SBF1: variants seen among roughly 807,000 people sequenced by gnomAD.
SBF1 encodes myotubularin-related protein 5.
In SBF1, 65 loss-of-function variants were observed where a neutral mutation model predicts 215.8. That is an observed-to-expected ratio of 0.30 (90% CI 0.25 to 0.37). The LOEUF is 0.37. Among genes scored for constraint, SBF1 ranks in the 10% least tolerant of loss-of-function variants. SBF1 has a pLI of 1.00. For synonymous variants in SBF1, 1,410 were observed against 1,122.8 expected, an observed-to-expected ratio of 1.26 and a Z score of -5.11; for missense variants, 2,634 against 2,667.8, an observed-to-expected ratio of 0.99 and a Z score of 0.28.
In SBF1 at chr22:50,474,772, G is replaced by C. The variant is rs775254632; in HGVS notation, c.55+14C>G. On this transcript the variant is annotated intron_variant, in intron 1 of 40. Transcript: ENST00000380817. ...CTCGGCCCCCGGCCCTCAGCGCTTG[G>C]CCTCGGCACTCACCGCGCGGGTGCG... 1.4e-6 allele frequency: 2 copies of C among 1,463,138 alleles called. No individual in the cohort carries two copies. Among genetic ancestry groups the C allele is most frequent in the Non-Finnish European group, 1.8e-6 (2 of 1,111,648 alleles). The allele number at this position is 1,463,138 out of a possible 1,614,324, so 90.6% of individuals were successfully genotyped here. A position where few individuals can be genotyped will look rare whatever the true frequency, so the allele number is the denominator to read the frequency against.
rs764989419 is a variant in SBF1, at chr22:50,462,093, T to C, written c.2423A>G (p.Tyr808Cys). 10 of 1,613,762 alleles carry C rather than the reference T, an allele frequency of 6.2e-6. No individual in the cohort carries two copies. The highest frequency in any genetic ancestry group is 1.6e-4 in the Middle Eastern group (1 of 6,084). ...NSMAGSVAES[Y>C]DTESGFEDAE... ...ATCCTCGAAGCCGCTCTCCGTGTCA[T>C]AGCTCTCGGCCACACTGCCAGCCAT... Residue 808 changes from tyrosine to cysteine, a missense_variant, in exon 20 of 41, where the codon TAT (tyrosine) becomes TGT (cysteine). Tyr to Cys is a radical substitution (Grantham distance 194). Transcript: ENST00000380817.
chr22:50,468,457 A>C lies in SBF1; in HGVS notation c.60T>G (p.Ser20Arg). ...GCAGAATCTGGCCCTGGCCTTCCCCACTCCCTGAGGACAAGAACAGGGGGT... is the reference window on the plus strand; with the variant it reads ...GCAGAATCTGGCCCTGGCCTTCCCCCCTCCCTGAGGACAAGAACAGGGGGT... The part of the protein sequence containing the change: ...LVAFGPHPRG[S>R]GEGQGQILQR... The change falls in exon 2 of 41, where the codon AGT (serine) becomes AGG (arginine). Residue 20 changes from serine (S) to arginine (R), a missense_variant. Coordinates refer to ENST00000380817, the MANE Select transcript of SBF1 (RefSeq NM_002972.4). 2 of 1,598,956 alleles carry C rather than the reference A, an allele frequency of 1.3e-6. No homozygotes were observed. Among genetic ancestry groups the C allele is most frequent in the Non-Finnish European group, 8.5e-7 (1 of 1,172,168 alleles).
At chr22:50,449,625 A>AC (rs1556417419) in intron 36 of SBF1, among the ~76,000 whole-genome samples, 16,617 of 146,820 alleles carry the variant, frequency 0.11, 1,137 homozygotes, top group Middle Eastern at 0.17. Flanking sequence ...AAAACACACA[A>AC]ACACACACAC....
chr22:50,459,374 G>A lies in SBF1; in HGVS notation c.3707C>T (p.Ser1236Leu), dbSNP rs770253063. ...GTACTTCTCCTGCTCCAGGCTACTC[G>A]AGTCCGCCTGGGACTGGCCTGGGGG... ...APSPGQSQAD[S>L]SSLEQEKYLQ... The change falls in exon 28 of 41, where the codon TCG becomes TTG. Residue 1236 changes from serine to leucine, a missense_variant. By Grantham distance (145) the Ser-to-Leu change is moderately radical. Coordinates refer to ENST00000380817, the MANE Select transcript of SBF1 (RefSeq NM_002972.4). The A allele has an allele frequency of 8.7e-6, 14 of 1,612,354 alleles. No homozygotes were observed. The highest frequency in any genetic ancestry group is 2.2e-5 in the South Asian group (2 of 91,058).
chr22:50,455,820 A>G, intron 31 of SBF1: 1 of 558,618 alleles, frequency 1.8e-6, no homozygotes, highest in South Asian at 2.0e-5. Context: ...GGACTGAGGG[A>G]CGTCCCTGTC....
At chr22:50,458,605 C>T (rs964786112) in intron 28 of SBF1, among the ~76,000 whole-genome samples, 5 of 152,228 alleles carry the variant, frequency 3.3e-5, no homozygotes, top group Non-Finnish European at 7.3e-5. Flanking sequence ...AAAACCACTT[C>T]TGAACTAGAG....
rs745659960 is a variant in SBF1 at position 50,447,104 on chromosome 22, A to G, written c.*38T>C. ...CCCTGCCCACCCCTAGTGGTCGGTA[A>G]CGACCGGAAGCAGAGCAGCCGGGCA... On this transcript the variant is annotated 3_prime_UTR_variant, in exon 41 of 41. Transcript: ENST00000380817. 7.7e-6 allele frequency: 12 copies of G among 1,567,786 alleles called. No homozygotes were observed. The highest frequency in any genetic ancestry group is 5.3e-5 in the Admixed American group (3 of 56,868).
At chr22:50,453,336 G>A (rs1019534445) in intron 36 of SBF1, among the ~76,000 whole-genome samples, 5 of 152,158 alleles carry the variant, frequency 3.3e-5, no homozygotes, top group African/African-American at 1.2e-4. Context: ...TGCTTTGTGG[G>A]TCACCTCCAT....
At chr22:50,469,794 C>T (rs548486825) in intron 1 of SBF1, among the ~76,000 whole-genome samples, 164 of 152,194 alleles carry the variant, frequency 1.1e-3, no homozygotes, top group African/African-American at 3.7e-3. Context: ...ATGCCTGGTC[C>T]TCCTGGGAAC....
rs75567487 is a variant in SBF1, at chr22:50,456,564, G to T, written c.4014C>A (p.Gly1338=). Residue 1338 remains glycine (G), a synonymous_variant, in exon 30 of 41, where the codon GGC becomes GGA. Transcript: ENST00000380817. ...DALAPPQANG[G]PPDPGFLRPQ... is the part of the protein sequence containing the mutation. ...GACGCAGGAAGCCCGGGTCGGGAGG[G>T]CCCCCGTTGGCCTGGGGTGGGGCCA... The T allele has an allele frequency of 6.3e-4, 985 of 1,573,702 alleles. 9 individuals carry two copies. In the East Asian group the frequency reaches 0.017, roughly 27 times the overall value.
rs780313800 is a variant in SBF1, at chr22:50,459,299, C to T, written c.3782G>A (p.Arg1261His). 8 of 1,611,556 alleles carry T rather than the reference C, an allele frequency of 5.0e-6. No homozygotes were observed. In the East Asian group the frequency reaches 1.1e-4, roughly 22 times the overall value. The change falls in exon 28 of 41, where the codon CGC becomes CAC. Residue 1261 changes from arginine (R) to histidine (H), a missense_variant. Coordinates refer to ENST00000380817, the MANE Select transcript of SBF1 (RefSeq NM_002972.4). ...SMPRYADASG[R>H]NTLSGFSSAH... is the part of the protein sequence containing the mutation. ...TGAGGAGAAGCCGCTAAGCGTGTTG[C>T]GTCCCGACGCGTCGGCGTAGCGGGG...
At chr22:50,467,719 A>AGGGGGGAGAGGGGGGAG (rs1603434369) in intron 3 of SBF1, 29 bp from the exon 4 acceptor site, 1 of 593,424 alleles carries the variant, frequency 1.7e-6, no homozygotes, top group Admixed American at 2.9e-5. Context: ...AGACGGGGGC[A>AGGGGGGAGAGGGGGGAG]GGGGGAGTTG....
rs764384762 is a variant in SBF1, at chr22:50,462,660, ACAC to A, written c.2023_2025del (p.Val675del). 6.2e-7 allele frequency: 1 copy of A among 1,612,618 alleles called. No homozygotes were observed. The highest frequency in any genetic ancestry group is 8.5e-7 in the Non-Finnish European group (1 of 1,179,692). On this transcript the variant is annotated inframe_deletion, in exon 18 of 41. Transcript: ENST00000380817. ...GCCTCCCAGAACTGTGGCGTGCTCC[ACAC>A]CACGTGCTCCTGCACACAGCTGTAT...
rs1324424583 is a variant in SBF1 at position 50,461,881 on chromosome 22, C to T, written c.2570-12G>A. On this transcript the variant is annotated splice_polypyrimidine_tract_variant and intron_variant, in intron 20 of 40. Transcript: ENST00000380817. ...CATCTGGACAATGTCTGGGGGAAGA[C>T]AGTTCTCACACTTTGTGCCCAGCCC... 2 of 1,614,076 alleles carry T rather than the reference C, an allele frequency of 1.2e-6. No homozygotes were observed. Among genetic ancestry groups the T allele is most frequent in the East Asian group, 2.2e-5 (1 of 44,886 alleles).
In SBF1 at chr22:50,466,397, G is replaced by C. The variant is rs773610327; in HGVS notation, c.741C>G (p.Ala247=). ...GTGCCAGGAGGCCCCTACAGGCATC[G>C]GCGAGCCGCTGGTAGCTCCGGGACA... The part of the protein sequence containing the change: ...LFLSRSYQRL[A]DACRGLLALL... Residue 247 remains alanine, a synonymous_variant, in exon 7 of 41, where the codon GCC becomes GCG. Coordinates refer to ENST00000380817, the MANE Select transcript of SBF1 (RefSeq NM_002972.4). 1 of 1,553,496 alleles carries C rather than the reference G, an allele frequency of 6.4e-7. No individual in the cohort carries two copies. The highest frequency in any genetic ancestry group is 8.7e-7 in the Non-Finnish European group (1 of 1,148,564).
Position 50,465,418 on chromosome 22 carries a change from C to G in SBF1, c.1090-90G>C, listed in dbSNP as rs74869804. On this transcript the variant is annotated intron_variant, in intron 10 of 40. Coordinates refer to ENST00000380817, the MANE Select transcript of SBF1 (RefSeq NM_002972.4). ...AGCTTCTCCACACCCCAACCCACCC[C>G]AAGCTGCCCCGCTCCCATCCTTCTG... 10,126 of 1,094,224 alleles carry G rather than the reference C, an allele frequency of 9.3e-3. 65 individuals are homozygous for G. The highest frequency in any genetic ancestry group is 0.012 in the Non-Finnish European group (8,909 of 758,098). 67.8% of individuals were successfully genotyped at this position (1,094,224 alleles called of 1,614,324 possible).
chr22:50,448,044 T>TC lies in SBF1; in HGVS notation c.5363+188dup, dbSNP rs201976195. On this transcript the variant is annotated intron_variant, in intron 38 of 40. Coordinates refer to ENST00000380817, the MANE Select transcript of SBF1 (RefSeq NM_002972.4). Reference sequence around the variant, plus strand: ...GGCCCCACCACTGCCCTCTCTCTACTCCTCCCTCAGCCACTGCAGGCTGTG... The same window carrying TC: ...GGCCCCACCACTGCCCTCTCTCTACTCCCTCCCTCAGCCACTGCAGGCTGTG... Among the ~76,000 whole-genome samples, 679 of 152,206 alleles carry TC rather than the reference T, an allele frequency of 4.5e-3. 5 individuals are homozygous for TC. Among genetic ancestry groups the TC allele is most frequent in the South Asian group, 0.033 (158 of 4,822 alleles).
At position 50,464,448 on chromosome 22, in the gene SBF1, G is replaced by A. The variant is rs745698873; in HGVS notation, c.1637-7C>T. Reference sequence around the variant, plus strand: ...CACCGCTCCAGTATGGCAGCTGCGGGGACAGAATACACACACTCGGACCCC... The same window carrying A: ...CACCGCTCCAGTATGGCAGCTGCGGAGACAGAATACACACACTCGGACCCC... On this transcript the variant is annotated splice_region_variant and splice_polypyrimidine_tract_variant and intron_variant, in intron 14 of 40. Coordinates refer to ENST00000380817, the MANE Select transcript of SBF1 (RefSeq NM_002972.4). The A allele has an allele frequency of 2.5e-6, 4 of 1,612,378 alleles. No homozygotes were observed. Among genetic ancestry groups the A allele is most frequent in the South Asian group, 1.1e-5 (1 of 90,930 alleles).
chr22:50,464,823 T>C lies in SBF1; in HGVS notation c.1427A>G (p.Lys476Arg), dbSNP rs769035538. Residue 476 changes from lysine to arginine, a missense_variant, in exon 13 of 41, where the codon AAG (lysine) becomes AGG (arginine). Transcript: ENST00000380817. Reference protein sequence around the residue: ...HVQELAEQLYKNENPYPAVAM... With the variant: ...HVQELAEQLYRNENPYPAVAM... ...CCCGTCCTGCTACCCTCGTACGTTCTTGTAGAGCTGCTCTGCCAGTTCCTG... is the reference window on the plus strand; with the variant it reads ...CCCGTCCTGCTACCCTCGTACGTTCCTGTAGAGCTGCTCTGCCAGTTCCTG... 1.2e-6 allele frequency: 2 copies of C among 1,613,530 alleles called. No individual in the cohort carries two copies. Among genetic ancestry groups the C allele is most frequent in the African/African-American group, 1.3e-5 (1 of 74,938 alleles).
Sources: gnomAD v4.1 joint callset for allele counts (sites outside exome capture counted in the v4.1 genomes callset) on GRCh38, gnomAD v4.1.1 for gene constraint, MANE v1.5 for transcripts, NCBI Gene and HGNC (gene_info 2026-07-23, HGNC 2026-07-21) for gene names.